The following TENM2 variants were observed in gnomAD, a reference collection of about 807,000 sequenced individuals.
TENM2 encodes the protein teneurin transmembrane protein 2.
A neutral mutation model predicts 245.2 loss-of-function variants in TENM2; 52 were observed. The ratio of observed to expected loss-of-function variants is 0.21; its 90% confidence interval spans 0.17 to 0.27. TENM2 has a LOEUF of 0.27. TENM2 is among the 10% of genes least tolerant of loss of function. TENM2 has a pLI of 1.00. For missense variants in TENM2, 3,046 were observed against 3,666.8 expected, an observed-to-expected ratio of 0.83 and a Z score of 4.37; for synonymous variants, 1,363 against 1,438.9, an observed-to-expected ratio of 0.95 and a Z score of 1.19.
At chr5:167,430,254 C>T (rs1582023187) in intron 2 of TENM2, among the ~76,000 whole-genome samples, 1 of 152,302 alleles carries the variant, frequency 6.6e-6, no homozygotes, top group East Asian at 1.9e-4. Flanking sequence ...CCACTTACTT[C>T]CCTAAGCCTC....
chr5:167,891,458 A>G (rs1260654373), intron 3 of TENM2, among the ~76,000 whole-genome samples: 1 of 152,118 alleles, frequency 6.6e-6, no homozygotes, highest in Non-Finnish European at 1.5e-5. Context: ...ACAAGTACAT[A>G]CAATTAGGAG....
chr5:167,430,502 C>T (rs1764151128), intron 2 of TENM2, among the ~76,000 whole-genome samples: 1 of 152,080 alleles, frequency 6.6e-6, no homozygotes, highest in South Asian at 2.1e-4. Context: ...TCTGAGATTC[C>T]TGGCATTTGG....
At chr5:167,400,089 A>T (rs1762278328) in intron 2 of TENM2, among the ~76,000 whole-genome samples, 1 of 152,172 alleles carries the variant, frequency 6.6e-6, no homozygotes, top group Non-Finnish European at 1.5e-5. Context: ...ATGGAAGCAA[A>T]TGTGGGTCAC....
At chr5:167,791,309 T>A (rs952008103) in intron 2 of TENM2, among the ~76,000 whole-genome samples, 3 of 148,804 alleles carry the variant, frequency 2.0e-5, no homozygotes, top group African/African-American at 7.4e-5. Context: ...AATCTGTGTA[T>A]CTTATGTATA....
At position 168,218,075 on chromosome 5, in the gene TENM2, G is replaced by A. The variant is rs368686947; in HGVS notation, c.4234-50G>A. On this transcript the variant is annotated intron_variant, in intron 22 of 28. Coordinates refer to ENST00000518659, the Ensembl canonical transcript of TENM2. The surrounding 1 kb of genome is among the most constrained non-coding windows in gnomAD (Gnocchi z 5.2). ...ACCAGTAAGTGCCGTACGGTTAAAC[G>A]TTGGACATATTAAAGGCTGTTCTTT... The A allele has an allele frequency of 1.4e-4, 216 of 1,572,726 alleles. 1 individual carries two copies. Among genetic ancestry groups the A allele is most frequent in the Admixed American group, 2.8e-4 (16 of 56,404 alleles).
At chr5:167,292,848 C>G (rs911429756) in intron 1 of TENM2, among the ~76,000 whole-genome samples, 3 of 152,132 alleles carry the variant, frequency 2.0e-5, no homozygotes, top group Non-Finnish European at 4.4e-5. Context: ...GAATGGCATC[C>G]CAGAAATTGT....
intron 2 of TENM2, among the ~76,000 whole-genome samples, chr5:167,774,869 G>A (rs1349827863): frequency 6.6e-6 from 1 of 152,186 alleles, no homozygotes; most frequent in Non-Finnish European, 1.5e-5. Flanking sequence ...CTATGTCCAT[G>A]ATAGTTTCCC....
the TENM2 span, among the ~76,000 whole-genome samples, chr5:167,097,086 C>T: frequency 1.3e-5 from 2 of 152,116 alleles, no homozygotes; most frequent in Non-Finnish European, 2.9e-5. Flanking sequence ...TGCTAACTAT[C>T]GTCTTTTCTT....
At chr5:167,355,038 T>C (rs1293250576) in intron 1 of TENM2, among the ~76,000 whole-genome samples, 1 of 152,176 alleles carries the variant, frequency 6.6e-6, no homozygotes, top group African/African-American at 2.4e-5. Flanking sequence ...GATACGATAT[T>C]GTAATTGCAT....
chr5:168,106,512 G>T (rs949231897), intron 9 of TENM2, among the ~76,000 whole-genome samples: 2 of 152,166 alleles, frequency 1.3e-5, no homozygotes, highest in African/African-American at 4.8e-5. Flanking sequence ...GGCACACAGA[G>T]TTTAAGTAAC....
chr5:167,513,257 G>C (rs9313382), intron 2 of TENM2, among the ~76,000 whole-genome samples: 1 of 151,966 alleles, frequency 6.6e-6, no homozygotes, highest in Admixed American at 6.6e-5. Flanking sequence ...TTTTGAAAAG[G>C]CCTCTTTAAA....
At chr5:167,657,411 C>T (rs1184587638) in intron 2 of TENM2, among the ~76,000 whole-genome samples, 3 of 152,186 alleles carry the variant, frequency 2.0e-5, no homozygotes, top group Non-Finnish European at 4.4e-5. Flanking sequence ...GATTCCCTAT[C>T]TTGGCTATTG....
At chr5:168,168,402 G>T (rs183986704) in intron 13 of TENM2, among the ~76,000 whole-genome samples, 26 of 152,262 alleles carry the variant, frequency 1.7e-4, no homozygotes, top group Middle Eastern at 3.4e-3. Flanking sequence ...CATGAAGTCT[G>T]GGCATGGTGG....
At chr5:167,775,052 C>A (rs1462868398) in intron 2 of TENM2, among the ~76,000 whole-genome samples, 1 of 152,130 alleles carries the variant, frequency 6.6e-6, no homozygotes, top group Admixed American at 6.6e-5. Context: ...TCACCGCAAC[C>A]TCCACCTCCC....
intron 2 of TENM2, among the ~76,000 whole-genome samples, chr5:167,420,791 A>G (rs1204444547): frequency 6.6e-6 from 1 of 151,918 alleles, no homozygotes; most frequent in Admixed American, 6.6e-5. Flanking sequence ...TCTTATTATC[A>G]CCCTGTCCCT....
intron 2 of TENM2, among the ~76,000 whole-genome samples, chr5:167,558,835 A>G (rs1773413572): frequency 6.6e-6 from 1 of 152,092 alleles, no homozygotes; most frequent in Non-Finnish European, 1.5e-5. Context: ...GTCTTCCATG[A>G]ATCCAGACCC....
chr5:167,575,118 G>GAAA (rs70976436), intron 2 of TENM2, among the ~76,000 whole-genome samples: 442 of 132,364 alleles, frequency 3.3e-3, no homozygotes, highest in Non-Finnish European at 5.4e-3. Flanking sequence ...ATTTGAGAAA[G>GAAA]AAAAAAAAAA....
the TENM2 span, among the ~76,000 whole-genome samples, chr5:167,026,466 G>A: frequency 1.3e-5 from 2 of 152,094 alleles, no homozygotes; most frequent in African/African-American, 4.8e-5. Context: ...GAAGCTGAAT[G>A]TCAGTTGTTG....
At chr5:167,505,349 A>G (rs965406823) in intron 2 of TENM2, among the ~76,000 whole-genome samples, 1 of 152,144 alleles carries the variant, frequency 6.6e-6, no homozygotes, top group African/African-American at 2.4e-5. Flanking sequence ...TCCTCCATTT[A>G]TATTATTTTT....
Sources: allele counts gnomAD v4.1 joint callset (sites outside exome capture counted in the v4.1 genomes callset), GRCh38; gene constraint gnomAD v4.1.1; non-coding constraint Gnocchi (gnomAD v3.1); transcripts MANE v1.5; gene names NCBI Gene and HGNC (gene_info 2026-07-23, HGNC 2026-07-21).